EXOC6B: variants seen among roughly 807,000 people sequenced by gnomAD.
The protein encoded by EXOC6B is exocyst complex component 6B.
EXOC6B carries 54 observed loss-of-function variants against 113.5 expected under a neutral mutation model. The ratio of observed to expected loss-of-function variants is 0.48; its 90% CI spans 0.38 to 0.60. The LOEUF (loss-of-function observed/expected upper bound fraction) is 0.60. Among genes scored for constraint, EXOC6B ranks in the 20% least tolerant of loss-of-function variants. EXOC6B has a pLI of 0.00. For synonymous variants in EXOC6B, 357 were observed against 339.0 expected (o/e 1.05, Z -0.58); for missense variants, 797 against 977.5 (o/e 0.82, Z 2.46).
chr2:72,472,773 A>G (rs1200370679), intron 17 of EXOC6B, among the ~76,000 whole-genome samples: 1 of 151,680 alleles, frequency 6.6e-6, no homozygotes, highest in Non-Finnish European at 1.5e-5. Context: ...ATATTGTTAG[A>G]TTGTTTATTT....
intron 20 of EXOC6B, among the ~76,000 whole-genome samples, chr2:72,322,793 A>C (rs1200671914): frequency 6.6e-6 from 1 of 152,220 alleles, no homozygotes; most frequent in Non-Finnish European, 1.5e-5. Context: ...CAATATGCAG[A>C]AAACTGAAAC....
At chr2:72,402,874 A>G (rs1693432410) in intron 18 of EXOC6B, among the ~76,000 whole-genome samples, 1 of 152,188 alleles carries the variant, frequency 6.6e-6, no homozygotes, top group Admixed American at 6.5e-5. Context: ...ATCATGGATG[A>G]TCATACAGTC....
intron 6 of EXOC6B, among the ~76,000 whole-genome samples, chr2:72,714,336 T>G (rs1272679945): frequency 6.6e-6 from 1 of 152,186 alleles, no homozygotes; most frequent in Non-Finnish European, 1.5e-5. Context: ...TATAATACTG[T>G]GGCAAAACAA....
At chr2:72,271,573 A>C (rs1176795537) in intron 20 of EXOC6B, among the ~76,000 whole-genome samples, 1 of 152,084 alleles carries the variant, frequency 6.6e-6, no homozygotes, top group African/African-American at 2.4e-5. Context: ...AGAAAAAGAA[A>C]GAGAAGGAGA....
At chr2:72,543,353 T>C (rs1391031474) in intron 8 of EXOC6B, among the ~76,000 whole-genome samples, 1 of 152,034 alleles carries the variant, frequency 6.6e-6, no homozygotes, top group Non-Finnish European at 1.5e-5. Flanking sequence ...ACATGGAAAA[T>C]GAATTGTTTC....
intron 1 of EXOC6B, among the ~76,000 whole-genome samples, chr2:72,741,906 A>G (rs1052636916): frequency 5.3e-5 from 8 of 152,230 alleles, no homozygotes; most frequent in African/African-American, 1.9e-4. Context: ...TAGGCAGTCA[A>G]TATCGCTAGA....
At chr2:72,608,835 C>T (rs934848569) in intron 6 of EXOC6B, among the ~76,000 whole-genome samples, 1 of 151,996 alleles carries the variant, frequency 6.6e-6, no homozygotes, top group African/African-American at 2.4e-5. Flanking sequence ...GATGAGCCCT[C>T]CCTATGTTAG....
chr2:72,203,519 T>G (rs1679625254), intron 20 of EXOC6B, among the ~76,000 whole-genome samples: 1 of 152,184 alleles, frequency 6.6e-6, no homozygotes, highest in South Asian at 2.1e-4. Flanking sequence ...GGCTGTGTCT[T>G]TCTGGCTGCT....
chr2:72,753,691 T>C (rs1048218690), intron 1 of EXOC6B, among the ~76,000 whole-genome samples: 1 of 152,162 alleles, frequency 6.6e-6, no homozygotes, highest in Non-Finnish European at 1.5e-5. Flanking sequence ...CCTAGCATAG[T>C]ATGTAAGATG....
chr2:72,451,630 A>C (rs2105363517), intron 18 of EXOC6B, among the ~76,000 whole-genome samples: 1 of 150,328 alleles, frequency 6.7e-6, no homozygotes, highest in African/African-American at 2.5e-5. Context: ...TGCAGGGTAG[A>C]AAATTCACTT....
At chr2:72,219,433 G>A (rs1233975438) in intron 20 of EXOC6B, among the ~76,000 whole-genome samples, 1 of 152,118 alleles carries the variant, frequency 6.6e-6, no homozygotes, top group Non-Finnish European at 1.5e-5. Flanking sequence ...AATACTGCTT[G>A]AGTTCATACA....
At chr2:72,335,497 CATT>C (rs923413825) in intron 19 of EXOC6B, among the ~76,000 whole-genome samples, 2 of 150,632 alleles carry the variant, frequency 1.3e-5, no homozygotes, top group African/African-American at 4.9e-5. Flanking sequence ...CCTGCTACAT[CATT>C]AATTATTCCC....
intron 20 of EXOC6B, among the ~76,000 whole-genome samples, chr2:72,188,104 TGCA>T (rs1678566719): frequency 6.6e-6 from 1 of 152,086 alleles, no homozygotes; most frequent in Non-Finnish European, 1.5e-5. Flanking sequence ...GGCCCAGGTC[TGCA>T]GCTGTGGTTT....
intron 19 of EXOC6B, among the ~76,000 whole-genome samples, chr2:72,366,280 T>TG (rs540577105): frequency 0.013 from 1,863 of 141,132 alleles, 20 homozygotes; most frequent in Non-Finnish European, 0.018. Context: ...CATATAAAAG[T>TG]AAAAAAAAAA....
intron 1 of EXOC6B, among the ~76,000 whole-genome samples, chr2:72,750,923 A>G (rs1558972370): frequency 6.6e-6 from 1 of 152,170 alleles, no homozygotes; most frequent in Admixed American, 6.6e-5. Context: ...ACAAGGAAAC[A>G]AAGTATAAAA....
intron 20 of EXOC6B, among the ~76,000 whole-genome samples, chr2:72,288,185 G>A (rs1685561171): frequency 6.6e-6 from 1 of 152,146 alleles, no homozygotes; most frequent in African/African-American, 2.4e-5. Context: ...ATAATACCAT[G>A]TGTTTTGGGG....
Position 72,800,913 on chromosome 2 carries a change from A to G in EXOC6B, c.113+24885T>C, listed in dbSNP as rs564421866. On this transcript the variant is annotated intron_variant, in intron 1 of 21. Coordinates refer to ENST00000272427, the MANE Select transcript of EXOC6B (RefSeq NM_015189.3). ...TGGACTTTCTCCATCTACCTAAAGG[A>G]ACAAATATTATGATACCCTCTTTCC... 2.0e-5 allele frequency among the ~76,000 whole-genome samples: 3 copies of G among 152,272 alleles called. No homozygotes were observed. In the East Asian group the frequency reaches 5.8e-4, roughly 29 times the overall value.
At chr2:72,327,040 G>C (rs556387742) in intron 20 of EXOC6B, among the ~76,000 whole-genome samples, 1 of 151,992 alleles carries the variant, frequency 6.6e-6, no homozygotes, top group African/African-American at 2.4e-5. Context: ...TACCCAAAAG[G>C]TTGTCAGAAC....
At chr2:72,396,087 G>A (rs1188158391) in intron 18 of EXOC6B, among the ~76,000 whole-genome samples, 1 of 151,990 alleles carries the variant, frequency 6.6e-6, no homozygotes, top group Non-Finnish European at 1.5e-5. Context: ...CATACACCTA[G>A]AAATCCACTG....
Sources: gnomAD v4.1 joint callset for allele counts (sites outside exome capture counted in the v4.1 genomes callset) on GRCh38, gnomAD v4.1.1 for gene constraint, MANE v1.5 for transcripts, NCBI Gene and HGNC (gene_info 2026-07-23, HGNC 2026-07-21) for gene names.